Variants in KLHL29 observed in about 807,000 individuals in gnomAD.
The protein encoded by KLHL29 is kelch-like protein 29.
Under a neutral mutation model 80.4 loss-of-function variants are expected in KLHL29, and 21 were observed. The observed-to-expected ratio is 0.26, with a 90% CI of 0.19 to 0.38. KLHL29 has a LOEUF of 0.38. Ranked by LOEUF, KLHL29 falls within the 10% of genes least tolerant of loss-of-function variation. The pLI, the probability that KLHL29 is intolerant of heterozygous loss-of-function variation, is 1.00. For missense variants in KLHL29, 867 were observed against 1,223.9 expected (o/e 0.71, Z 4.35); for synonymous variants, 511 against 526.8 (o/e 0.97, Z 0.41).
At chr2:23,642,307 G>T (rs1175031599) in intron 4 of KLHL29, 31 bp from the exon 5 acceptor site, 25 of 1,394,392 alleles carry the variant, frequency 1.8e-5, no homozygotes, top group Admixed American at 3.1e-5. Context: ...AATGTAACCG[G>T]CAGATGACGT....
chr2:23,487,601 A>G (rs951172172), intron 2 of KLHL29, among the ~76,000 whole-genome samples: 1 of 151,948 alleles, frequency 6.6e-6, no homozygotes, highest in African/African-American at 2.4e-5. Context: ...CCCACCCTGT[A>G]TCATCTGCAG....
intron 3 of KLHL29, among the ~76,000 whole-genome samples, chr2:23,593,447 G>A (rs1390980661): frequency 1.3e-5 from 2 of 152,154 alleles, no homozygotes; most frequent in Non-Finnish European, 1.5e-5. Context: ...CCCCAAGCCC[G>A]GTCTCCAGGC....
chr2:23,490,226 G>A (rs1210145560), intron 2 of KLHL29, among the ~76,000 whole-genome samples: 2 of 152,154 alleles, frequency 1.3e-5, no homozygotes, highest in Admixed American at 6.5e-5. Flanking sequence ...TTCTGCTAAA[G>A]ATAAGCTATT....
chr2:23,526,804 C>T (rs1402987154), intron 2 of KLHL29, among the ~76,000 whole-genome samples: 3 of 152,198 alleles, frequency 2.0e-5, no homozygotes, highest in Non-Finnish European at 4.4e-5. Context: ...TAGCTCGAAA[C>T]GGCCACAGTG....
At chr2:23,523,620 A>G (rs944242846) in intron 2 of KLHL29, among the ~76,000 whole-genome samples, 5 of 152,140 alleles carry the variant, frequency 3.3e-5, no homozygotes, top group South Asian at 2.1e-4. Context: ...TTGGGTGGAC[A>G]TGGCTTTTAC....
intron 2 of KLHL29, among the ~76,000 whole-genome samples, chr2:23,557,939 C>T (rs573812175): frequency 1.3e-5 from 2 of 152,258 alleles, no homozygotes; most frequent in East Asian, 3.9e-4. Context: ...CCCCAGTATG[C>T]AACATCCAGT....
At chr2:23,387,028 G>T (rs1016296863) in intron 1 of KLHL29, among the ~76,000 whole-genome samples, 1 of 152,128 alleles carries the variant, frequency 6.6e-6, no homozygotes, top group African/African-American at 2.4e-5. Flanking sequence ...GATGCTGATG[G>T]GTAAGGAGCT....
At position 23,682,520 on chromosome 2, in the gene KLHL29, G is replaced by C. The variant is rs1489019848; in HGVS notation, c.941-1879G>C. 6.6e-6 allele frequency among the ~76,000 whole-genome samples: 1 copy of C among 152,186 alleles called. No individual in the cohort carries two copies. Reference sequence around the variant, plus strand: ...CCCAAGTCTAACCTTGCCACTTCCTGTCCAGAATCCCCTGTGGCTCCCTGG... The same window carrying C: ...CCCAAGTCTAACCTTGCCACTTCCTCTCCAGAATCCCCTGTGGCTCCCTGG... On this transcript the variant is annotated intron_variant, in intron 5 of 13. Coordinates refer to ENST00000486442, the MANE Select transcript of KLHL29 (RefSeq NM_052920.2). This position sits in a 1 kb window ranked among gnomAD's most constrained non-coding sequence, Gnocchi z 4.1.
At chr2:23,579,163 C>G (rs1251446125) in intron 3 of KLHL29, among the ~76,000 whole-genome samples, 1 of 152,214 alleles carries the variant, frequency 6.6e-6, no homozygotes, top group Non-Finnish European at 1.5e-5. Context: ...CATGTTTTGT[C>G]TCCATTCTTA....
At chr2:23,434,758 C>T (rs576520643) in intron 1 of KLHL29, among the ~76,000 whole-genome samples, 46 of 152,176 alleles carry the variant, frequency 3.0e-4, no homozygotes, top group Non-Finnish European at 5.7e-4. Context: ...AGGCTGGCTA[C>T]ACTGAGCCAT....
intron 2 of KLHL29, among the ~76,000 whole-genome samples, chr2:23,544,815 G>A (rs1226017425): frequency 6.6e-6 from 1 of 152,194 alleles, no homozygotes; most frequent in African/African-American, 2.4e-5. Context: ...TGGAGCCGCT[G>A]CAAGGAGGCC....
At chr2:23,386,288 G>GT in intron 1 of KLHL29, among the ~76,000 whole-genome samples, 1 of 152,186 alleles carries the variant, frequency 6.6e-6, no homozygotes, top group East Asian at 1.9e-4. Flanking sequence ...CCAGGTTGGG[G>GT]TTTTCTGCCC....
chr2:23,509,310 T>C (rs1665701940), intron 2 of KLHL29, among the ~76,000 whole-genome samples: 1 of 152,148 alleles, frequency 6.6e-6, no homozygotes, highest in African/African-American at 2.4e-5. Context: ...AGTGCTGTAA[T>C]GTGGGTGGGG....
At chr2:23,517,243 T>C (rs952372466) in intron 2 of KLHL29, among the ~76,000 whole-genome samples, 1 of 152,204 alleles carries the variant, frequency 6.6e-6, no homozygotes, top group Non-Finnish European at 1.5e-5. Flanking sequence ...TGACAGAAAC[T>C]TTTAAAAACA....
intron 2 of KLHL29, among the ~76,000 whole-genome samples, chr2:23,509,995 C>A (rs1372622236): frequency 1.3e-5 from 2 of 152,176 alleles, no homozygotes; most frequent in Non-Finnish European, 2.9e-5. Context: ...GATTTCCATT[C>A]CATCATTCCT....
rs375648529 is a variant in KLHL29 at position 23,522,583 on chromosome 2, T to A, written c.-45-39569T>A. Among the ~76,000 whole-genome samples the A allele has an allele frequency of 5.3e-5, 8 of 152,246 alleles. No homozygotes were observed. The East Asian group carries it at 1.3e-3, about 26-fold the overall frequency. On this transcript the variant is annotated intron_variant, in intron 2 of 13. Coordinates refer to ENST00000486442, the MANE Select transcript of KLHL29 (RefSeq NM_052920.2). ...TGATCAGAAAAAAAAAAAAGCTTTTTGCAGGTTGGAGAGTCATCAGGTGGG... is the reference window on the plus strand; with the variant it reads ...TGATCAGAAAAAAAAAAAAGCTTTTAGCAGGTTGGAGAGTCATCAGGTGGG...
intron 3 of KLHL29, among the ~76,000 whole-genome samples, chr2:23,629,253 C>T (rs969008235): frequency 6.6e-6 from 1 of 151,478 alleles, no homozygotes; most frequent in African/African-American, 2.4e-5. Flanking sequence ...TCACAGGCAT[C>T]TGCTGAGGGC....
chr2:23,566,626 A>G (rs1667596150), intron 3 of KLHL29, among the ~76,000 whole-genome samples: 1 of 152,246 alleles, frequency 6.6e-6, no homozygotes, highest in Non-Finnish European at 1.5e-5. Flanking sequence ...GCATTTCACC[A>G]CTGCTAAGAG....
intron 2 of KLHL29, among the ~76,000 whole-genome samples, chr2:23,492,035 C>T (rs1044462212): frequency 6.6e-6 from 1 of 152,214 alleles, no homozygotes; most frequent in African/African-American, 2.4e-5. Flanking sequence ...GGCTCCCTGC[C>T]TCCACCTTTT....
Sources: gnomAD v4.1 joint callset for allele counts (sites outside exome capture counted in the v4.1 genomes callset) on GRCh38, gnomAD v4.1.1 for gene constraint, Gnocchi (gnomAD v3.1) non-coding constraint, MANE v1.5 for transcripts, NCBI Gene and HGNC (gene_info 2026-07-23, HGNC 2026-07-21) for gene names.